Variants in IRAK1BP1 observed in about 807,000 individuals in gnomAD.
The protein encoded by IRAK1BP1 is interleukin 1 receptor associated kinase 1 binding protein 1, also known as interleukin-1 receptor-associated kinase 1-binding protein 1.
In IRAK1BP1, 24 loss-of-function variants were observed where a neutral mutation model predicts 28.0. The observed-to-expected ratio is 0.86, with a 90% CI of 0.62 to 1.20. The LOEUF (loss-of-function observed/expected upper bound fraction) is 1.20, where lower values mean the gene tolerates loss of function less well. Among genes scored for constraint, IRAK1BP1 ranks in the 50% most tolerant of loss-of-function variants. The pLI is 0.00. For missense variants in IRAK1BP1, 336 were observed against 316.7 expected (o/e 1.06, Z -0.46); for synonymous variants, 131 against 116.3 (o/e 1.13, Z -0.81).
chr6:78,951,663 T>C, the IRAK1BP1 span, among the ~76,000 whole-genome samples: 1 of 152,234 alleles, frequency 6.6e-6, no homozygotes, highest in Non-Finnish European at 1.5e-5. Context: ...CACGTTTAGC[T>C]GGTGGGACAG....
At chr6:78,969,801 T>C in the IRAK1BP1 span, 318 of 1,031,922 alleles carry the variant, frequency 3.1e-4, no homozygotes, top group South Asian at 6.0e-4. Context: ...AAAAACCACA[T>C]CAAACATCGA....
chr6:78,928,265 A>T (rs933039182), intron 4 of IRAK1BP1, among the ~76,000 whole-genome samples: 1 of 151,784 alleles, frequency 6.6e-6, no homozygotes, highest in African/African-American at 2.4e-5. Flanking sequence ...ATTTAATTTT[A>T]TTTGTGGTTA....
At chr6:78,910,722 G>A (rs894590753) in intron 4 of IRAK1BP1, among the ~76,000 whole-genome samples, 3 of 152,268 alleles carry the variant, frequency 2.0e-5, no homozygotes, top group Non-Finnish European at 4.4e-5. Context: ...GGCGGCGGCC[G>A]CAAGGACCGC....
chr6:78,961,366 C>G, the IRAK1BP1 span, among the ~76,000 whole-genome samples: 15 of 151,786 alleles, frequency 9.9e-5, no homozygotes, highest in Admixed American at 3.3e-4. Context: ...AATGAAATAC[C>G]TTGCCTTGCT....
chr6:78,957,551 T>C, the IRAK1BP1 span: 1 of 150,794 alleles, frequency 6.6e-6, no homozygotes, highest in Non-Finnish European at 1.5e-5. Flanking sequence ...ATTATGTCCA[T>C]TAATGAGAAT....
intron 2 of IRAK1BP1, among the ~76,000 whole-genome samples, chr6:78,894,999 T>C (rs1004060594): frequency 6.6e-6 from 1 of 151,646 alleles, no homozygotes. Flanking sequence ...TCCCAGCTAC[T>C]CAGCAGGCTA....
At chr6:78,959,510 A>T in the IRAK1BP1 span, among the ~76,000 whole-genome samples, 2 of 152,144 alleles carry the variant, frequency 1.3e-5, no homozygotes, top group African/African-American at 2.4e-5. Flanking sequence ...AAGAGATTGA[A>T]CTAGAAGTTT....
intron 4 of IRAK1BP1, among the ~76,000 whole-genome samples, chr6:78,943,040 T>C (rs144142282): frequency 6.6e-6 from 1 of 152,286 alleles, no homozygotes; most frequent in East Asian, 1.9e-4. Flanking sequence ...TAAATTTCAA[T>C]TTAAATACCA....
chr6:78,931,973 TTAAC>T (rs1407951208), intron 4 of IRAK1BP1, among the ~76,000 whole-genome samples: 20 of 152,252 alleles, frequency 1.3e-4, no homozygotes, highest in Non-Finnish European at 2.5e-4. Flanking sequence ...TTCTGCTTTA[TTAAC>T]TAAGTTTATG....
intron 1 of IRAK1BP1, among the ~76,000 whole-genome samples, chr6:78,881,153 T>C (rs1178347396): frequency 1.3e-5 from 2 of 152,134 alleles, no homozygotes; most frequent in Non-Finnish European, 2.9e-5. Context: ...ATTAAAAAAA[T>C]TGTGGTACAT....
At chr6:78,969,563 T>A in the IRAK1BP1 span, among the ~76,000 whole-genome samples, 1 of 152,176 alleles carries the variant, frequency 6.6e-6, no homozygotes, top group South Asian at 2.1e-4. Context: ...TTATTAATAT[T>A]TTTATACAAA....
chr6:78,979,228 AGTT>A, the IRAK1BP1 span, among the ~76,000 whole-genome samples: 1 of 152,080 alleles, frequency 6.6e-6, no homozygotes. Context: ...GTGGCAACAG[AGTT>A]ATTCAATCTC....
intron 4 of IRAK1BP1, among the ~76,000 whole-genome samples, chr6:78,919,194 A>G (rs1298812310): frequency 6.6e-6 from 1 of 152,230 alleles, no homozygotes; most frequent in East Asian, 1.9e-4. Context: ...GAGATGCAAC[A>G]AAGGCAAGGT....
intron 1 of IRAK1BP1, among the ~76,000 whole-genome samples, chr6:78,869,805 T>C (rs933287386): frequency 6.6e-6 from 1 of 151,920 alleles, no homozygotes; most frequent in Admixed American, 6.5e-5. Flanking sequence ...TCCAAACTCC[T>C]TTGCTTAAAA....
At chr6:78,944,829 C>A (rs1773712563) in intron 4 of IRAK1BP1, among the ~76,000 whole-genome samples, 2 of 152,140 alleles carry the variant, frequency 1.3e-5, no homozygotes, top group African/African-American at 4.8e-5. Context: ...TATTTACCTT[C>A]TTCATCTTTC....
intron 4 of IRAK1BP1, among the ~76,000 whole-genome samples, chr6:78,925,266 C>T (rs1177536515): frequency 6.6e-6 from 1 of 151,926 alleles, no homozygotes; most frequent in Non-Finnish European, 1.5e-5. Flanking sequence ...CACATGTATA[C>T]ATATGTAACA....
At chr6:78,923,917 C>G (rs1772813770) in intron 4 of IRAK1BP1, among the ~76,000 whole-genome samples, 1 of 152,074 alleles carries the variant, frequency 6.6e-6, no homozygotes, top group African/African-American at 2.4e-5. Context: ...ACATTCAAAG[C>G]AGTGTGTAGA....
At chr6:78,972,519 C>G in the IRAK1BP1 span, among the ~76,000 whole-genome samples, 515 of 152,348 alleles carry the variant, frequency 3.4e-3, 2 homozygotes, top group African/African-American at 0.011. Flanking sequence ...TGGAACAAAG[C>G]TGGACGCAGA....
At chr6:78,932,280 A>T (rs1773068019) in intron 4 of IRAK1BP1, among the ~76,000 whole-genome samples, 1 of 151,978 alleles carries the variant, frequency 6.6e-6, no homozygotes, top group South Asian at 2.1e-4. Flanking sequence ...TGATATTTTG[A>T]TCTCCAATGA....
Sources: gnomAD v4.1 joint callset for allele counts (sites outside exome capture counted in the v4.1 genomes callset) on GRCh38, gnomAD v4.1.1 for gene constraint, MANE v1.5 for transcripts, NCBI Gene and HGNC (gene_info 2026-07-23, HGNC 2026-07-21) for gene names.